The following RPRD1A variants were observed in gnomAD, a reference collection of about 807,000 sequenced individuals.
RPRD1A encodes regulation of nuclear pre-mRNA domain containing 1A.
A neutral mutation model predicts 37.8 loss-of-function variants in RPRD1A; 9 were observed. The observed-to-expected ratio is 0.24, with a 90% confidence interval of 0.14 to 0.42. The LOEUF (loss-of-function observed/expected upper bound fraction) is 0.42. Among genes scored for constraint, RPRD1A ranks in the 10% least tolerant of loss-of-function variants. RPRD1A has a pLI of 1.00. For synonymous variants in RPRD1A, 138 were observed against 139.7 expected (o/e 0.99, Z 0.08); for missense variants, 255 against 371.0 (o/e 0.69, Z 2.57).
intron 1 of RPRD1A, among the ~76,000 whole-genome samples, chr18:36,035,780 C>T (rs1912147414): frequency 2.0e-5 from 3 of 152,020 alleles, no homozygotes; most frequent in South Asian, 2.1e-4. Flanking sequence ...GAAATGTTGA[C>T]GCATGTTACA....
intron 1 of RPRD1A, among the ~76,000 whole-genome samples, chr18:36,041,614 T>C (rs1443440114): frequency 1.3e-5 from 2 of 152,228 alleles, no homozygotes. Context: ...TGTGCAGACT[T>C]GTATCCTGAG....
At position 36,033,853 on chromosome 18, in the gene RPRD1A, A is replaced by C; in HGVS notation, c.152-16T>G. The C allele has an allele frequency of 6.3e-7, 1 of 1,590,256 alleles. No individual in the cohort carries two copies. Among genetic ancestry groups the C allele is most frequent in the Non-Finnish European group, 8.5e-7 (1 of 1,170,566 alleles). ...TTTGGTTTGGCTGAAAAATAAGAAA[A>C]AGTTAAAAATCTACTTAAAACATCT... is the stretch of plus-strand genomic sequence containing the variant. On this transcript the variant is annotated splice_polypyrimidine_tract_variant and intron_variant, in intron 1 of 6. Transcript: ENST00000399022.
chr18:36,040,729 T>C (rs1202733380), intron 1 of RPRD1A: 1 of 813,772 alleles, frequency 1.2e-6, no homozygotes, highest in African/African-American at 1.8e-5. Flanking sequence ...CTTACCCACA[T>C]CTAATCATCC....
At chr18:36,002,454 G>T (rs11876047) in intron 6 of RPRD1A, among the ~76,000 whole-genome samples, 1 of 152,058 alleles carries the variant, frequency 6.6e-6, no homozygotes, top group African/African-American at 2.4e-5. Context: ...CTGTCACCCA[G>T]GCTGGAGTGC....
At chr18:35,997,796 GT>G (rs1427718175) in intron 6 of RPRD1A, among the ~76,000 whole-genome samples, 5 of 152,066 alleles carry the variant, frequency 3.3e-5, no homozygotes, top group Admixed American at 2.6e-4. Context: ...GTACCCATCC[GT>G]GTAACCAACA....
Position 36,008,571 on chromosome 18 carries a change from G to GTA in RPRD1A, c.790-15272_790-15271insTA, listed in dbSNP as rs1359543093. Among the ~76,000 whole-genome samples, 273 of 27,896 alleles carry GTA rather than the reference G, an allele frequency of 9.8e-3. 7 individuals carry two copies. Among genetic ancestry groups the GTA allele is most frequent in the African/African-American group, 0.044 (257 of 5,794 alleles). 18.3% of individuals were successfully genotyped at this position (27,896 alleles called of 152,430 possible). Reference sequence around the variant, plus strand: ...AGCCTGGGCGACACAGCAAGACCTTGTGTGTGTATATATATATATCTTTAA... The same window carrying GTA: ...AGCCTGGGCGACACAGCAAGACCTTGTATGTGTGTATATATATATATCTTTAA... On this transcript the variant is annotated intron_variant, in intron 6 of 6. Coordinates refer to ENST00000399022, the MANE Select transcript of RPRD1A (RefSeq NM_018170.5).
intron 6 of RPRD1A, among the ~76,000 whole-genome samples, chr18:36,006,702 T>C (rs935255854): frequency 1.2e-4 from 19 of 152,292 alleles, no homozygotes; most frequent in African/African-American, 4.3e-4. Flanking sequence ...TGACTATAAA[T>C]CCTCAAATGG....
At chr18:36,047,048 T>C (rs1220573824) in intron 1 of RPRD1A, among the ~76,000 whole-genome samples, 1 of 151,810 alleles carries the variant, frequency 6.6e-6, no homozygotes, top group African/African-American at 2.4e-5. Context: ...AGACCCCATC[T>C]CTACAAAAAT....
At chr18:36,061,104 A>G (rs2088901603) in intron 1 of RPRD1A, among the ~76,000 whole-genome samples, 1 of 151,880 alleles carries the variant, frequency 6.6e-6, no homozygotes, top group Non-Finnish European at 1.5e-5. Flanking sequence ...AAGCCCCCCT[A>G]CCCCCGCAAC....
intron 2 of RPRD1A, among the ~76,000 whole-genome samples, chr18:36,031,989 A>C (rs1911825632): frequency 6.6e-6 from 1 of 151,916 alleles, no homozygotes; most frequent in African/African-American, 2.4e-5. Flanking sequence ...AAGCTATCTC[A>C]TTTTTTCGGC....
intron 1 of RPRD1A, among the ~76,000 whole-genome samples, chr18:36,060,190 G>C (rs1013230991): frequency 6.6e-6 from 1 of 152,118 alleles, no homozygotes; most frequent in African/African-American, 2.4e-5. Context: ...CCAGCACTTT[G>C]GGAGGCCAAG....
chr18:35,993,153 A>C lies in RPRD1A; in HGVS notation c.937T>G (p.Ter313GlyextTer18), dbSNP rs771583595. ...PFAGDIYSED[*>G] ...GGACCTGGAAAGAGGCTGGTCCATC[A>C]ATCTTCACTGTAGATGTCTCCCGCA... Residue 313 changes from the stop codon to glycine (G), a stop_lost, in exon 7 of 7, where the codon TGA becomes GGA. Coordinates refer to ENST00000399022, the MANE Select transcript of RPRD1A (RefSeq NM_018170.5). 6.2e-7 allele frequency: 1 copy of C among 1,613,322 alleles called. No individual in the cohort carries two copies. The highest frequency in any genetic ancestry group is 8.5e-7 in the Non-Finnish European group (1 of 1,179,682).
chr18:36,048,229 G>A (rs1484098556), intron 1 of RPRD1A, among the ~76,000 whole-genome samples: 2 of 152,008 alleles, frequency 1.3e-5, no homozygotes, highest in Non-Finnish European at 2.9e-5. Context: ...ACCACACCTG[G>A]CTAATTTTGT....
chr18:36,006,441 C>G (rs988949157), intron 6 of RPRD1A, among the ~76,000 whole-genome samples: 2 of 152,220 alleles, frequency 1.3e-5, no homozygotes, highest in Admixed American at 6.5e-5. Context: ...TTCAGCCTCC[C>G]AAAGGCTGAA....
intron 1 of RPRD1A, among the ~76,000 whole-genome samples, chr18:36,049,352 T>C (rs1913202622): frequency 6.6e-6 from 1 of 152,296 alleles, no homozygotes; most frequent in African/African-American, 2.4e-5. Context: ...GCATTAAAAA[T>C]ACAGTTGACT....
At chr18:36,064,742 A>G (rs1369673786) in intron 1 of RPRD1A, among the ~76,000 whole-genome samples, 1 of 152,200 alleles carries the variant, frequency 6.6e-6, no homozygotes, top group East Asian at 1.9e-4. Flanking sequence ...AACCAGCAGC[A>G]ACAACCCGCT....
chr18:36,064,752 T>C (rs1196364621), intron 1 of RPRD1A, among the ~76,000 whole-genome samples: 2 of 152,192 alleles, frequency 1.3e-5, no homozygotes, highest in African/African-American at 4.8e-5. Flanking sequence ...AACAACCCGC[T>C]TGCGTCCACT....
At chr18:36,046,421 G>A (rs776086684) in intron 1 of RPRD1A, among the ~76,000 whole-genome samples, 2 of 152,004 alleles carry the variant, frequency 1.3e-5, no homozygotes, top group Non-Finnish European at 2.9e-5. Context: ...CCCTCCCCAC[G>A]GTGTCAGTGG....
At chr18:36,019,308 C>A (rs748099443) in intron 6 of RPRD1A, among the ~76,000 whole-genome samples, 1 of 151,898 alleles carries the variant, frequency 6.6e-6, no homozygotes, top group African/African-American at 2.4e-5. Context: ...GGGGTTTCAC[C>A]GTGTTAGCTG....
Sources: gnomAD v4.1 joint callset for allele counts (sites outside exome capture counted in the v4.1 genomes callset) on GRCh38, gnomAD v4.1.1 for gene constraint, MANE v1.5 for transcripts, NCBI Gene and HGNC (gene_info 2026-07-23, HGNC 2026-07-21) for gene names.